Variants in HNRNPL observed in about 807,000 individuals in gnomAD.
HNRNPL encodes heterogeneous nuclear ribonucleoprotein L, also known as epididymis secretory sperm binding protein.
Under a neutral mutation model 64.0 loss-of-function variants are expected in HNRNPL, and 12 were observed. That is an observed-to-expected ratio of 0.19 (90% CI 0.12 to 0.30). HNRNPL has a LOEUF of 0.30. Ranked by LOEUF, HNRNPL falls within the 10% of genes least tolerant of loss-of-function variation. The pLI is 1.00. For missense variants in HNRNPL, 484 were observed against 797.4 expected, an observed-to-expected ratio of 0.61 and a Z score of 4.73; for synonymous variants, 385 against 313.0, an observed-to-expected ratio of 1.23 and a Z score of -2.43.
intron 2 of HNRNPL, 144 bp downstream of exon 2, chr19:38,847,172 A>G (rs1451327451): frequency 7.9e-6 from 4 of 504,142 alleles, no homozygotes; most frequent in Non-Finnish European, 1.5e-5. Flanking sequence ...CACAAAGTAC[A>G]ATGGCCAACC....
intron 8 of HNRNPL, 74 bp downstream of exon 8, chr19:38,840,022 C>G (rs375470580): frequency 2.7e-6 from 4 of 1,459,208 alleles, no homozygotes; most frequent in Admixed American, 3.4e-5. Flanking sequence ...CAGGCTCCCC[C>G]CTGGTTCTTT....
intron 6 of HNRNPL, among the ~76,000 whole-genome samples, chr19:38,842,837 C>T (rs145010933): frequency 7.2e-5 from 11 of 152,218 alleles, no homozygotes; most frequent in South Asian, 2.1e-4. Context: ...CCGGTCTGCA[C>T]ATCTTCTATT....
At chr19:38,846,131 G>A (rs1972285706) in intron 2 of HNRNPL, 41 bp from the exon 3 acceptor site, 4 of 1,413,150 alleles carry the variant, frequency 2.8e-6, no homozygotes, top group Non-Finnish European at 4.0e-6. Context: ...TCAGGAAAAT[G>A]TAGACAGGAG....
Position 38,840,769 on chromosome 19 carries a change from A to T in HNRNPL, c.881-210T>A. On this transcript the variant is annotated intron_variant, in intron 6 of 12. Transcript: ENST00000221419. Reference sequence around the variant, plus strand: ...GGTGCCCACTCTCCTTCCCCTGCTCATACCAAAGGGCTGGCCTTGTTCTGT... The same window carrying T: ...GGTGCCCACTCTCCTTCCCCTGCTCTTACCAAAGGGCTGGCCTTGTTCTGT... The T allele has an allele frequency of 5.2e-6, 3 of 581,408 alleles. No individual in the cohort carries two copies. In the South Asian group the frequency reaches 6.7e-5, roughly 13 times the overall value. The allele number at this position is 581,408 out of a possible 1,614,324, so 36.0% of individuals were successfully genotyped here.
chr19:38,848,388 C>G (rs148508475), intron 1 of HNRNPL, among the ~76,000 whole-genome samples: 2 of 152,190 alleles, frequency 1.3e-5, no homozygotes, highest in African/African-American at 4.8e-5. Context: ...CCCCCACTCC[C>G]GGATGGAAAG....
rs1047965535 is a variant in HNRNPL, at chr19:38,845,495, T to C, written c.710+155A>G. 2.0e-5 allele frequency: 13 copies of C among 657,422 alleles called. No homozygotes were observed. The Admixed American group carries it at 3.2e-4, about 16-fold the overall frequency. 40.7% of individuals were successfully genotyped at this position (657,422 alleles called of 1,614,324 possible). On this transcript the variant is annotated intron_variant, in intron 4 of 12. Transcript: ENST00000221419. ...CACACGATATGCCTGGTCCTTTAAC[T>C]GCCTCCCTACTCAGTCACTGGGCTC...
At chr19:38,848,985 G>A (rs974501810) in intron 1 of HNRNPL, among the ~76,000 whole-genome samples, 7 of 152,052 alleles carry the variant, frequency 4.6e-5, no homozygotes, top group Admixed American at 3.9e-4. Flanking sequence ...TGGTGTTTTC[G>A]GAGGGACTGA....
chr19:38,849,838 GCCGCCT>G lies in HNRNPL; in HGVS notation c.123_128del (p.Gly44_Gly45del). The G allele has an allele frequency of 8.4e-7, 1 of 1,192,400 alleles. No homozygotes were observed. The highest frequency in any genetic ancestry group is 1.2e-6 in the Non-Finnish European group (1 of 848,886). 73.9% of individuals were successfully genotyped at this position (1,192,400 alleles called of 1,614,324 possible). A position where few individuals can be genotyped will look rare whatever the true frequency, so the allele number is the denominator to read the frequency against. On this transcript the variant is annotated inframe_deletion, in exon 1 of 13. Transcript: ENST00000221419. ...TGCCGCCGCCGTAGTAGCGGCCACC[GCCGCCT>G]CCGCCGCCCGCCGCCGCCATCTTCA...
chr19:38,840,372 C>T lies in HNRNPL; in HGVS notation c.957G>A (p.Gly319=). 1 of 1,552,042 alleles carries T rather than the reference C, an allele frequency of 6.4e-7. No individual in the cohort carries two copies. Among genetic ancestry groups the T allele is most frequent in the Non-Finnish European group, 8.7e-7 (1 of 1,149,310 alleles). ...AATGGCTGTGGTACCCACCGTGGGG[C>T]CCTCCTGGGGGGTGGGAAGGAAAGA... ...LLGDHPAEYG[G]PHGGYHSHYH... The change falls in exon 8 of 13, where the codon GGG becomes GGA. Residue 319 remains glycine (G), a synonymous_variant. Transcript: ENST00000221419.
At chr19:38,838,354 C>T (rs771706376) in intron 10 of HNRNPL, 43 bp downstream of exon 10, 20 of 1,532,168 alleles carry the variant, frequency 1.3e-5, no homozygotes, top group African/African-American at 1.1e-4. Context: ...CTCAGACGGC[C>T]GTGGCAAGGA....
intron 1 of HNRNPL, chr19:38,849,482 C>A (rs1972425038): frequency 5.4e-6 from 3 of 555,734 alleles, no homozygotes; most frequent in Admixed American, 4.5e-5. Context: ...ACTTCCTCTG[C>A]GCTCCCCCAC....
intron 10 of HNRNPL, 52 bp from the exon 11 acceptor site, chr19:38,837,703 A>T (rs754675736): frequency 6.5e-7 from 1 of 1,532,226 alleles, no homozygotes; most frequent in East Asian, 2.3e-5. Flanking sequence ...GGGCCGCCAC[A>T]CAGGATTCAA....
chr19:38,838,753 G>T, intron 9 of HNRNPL, 141 bp downstream of exon 9: 1 of 1,334,364 alleles, frequency 7.5e-7, no homozygotes, highest in South Asian at 1.3e-5. Flanking sequence ...TGGTGTCAGA[G>T]ACACGTCTGG....
rs763616478 is a variant in HNRNPL at position 38,849,693 on chromosome 19, G to C, written c.267+7C>G. 1 of 1,355,180 alleles carries C rather than the reference G, an allele frequency of 7.4e-7. No homozygotes were observed. Among genetic ancestry groups the C allele is most frequent in the East Asian group, 3.1e-5 (1 of 32,596 alleles). The allele number at this position is 1,355,180 out of a possible 1,614,324, so 83.9% of individuals were successfully genotyped here. ...GGCCTTCCCAGCGCCTAGGGCCCTG[G>C]CCTCACCCCACCGCCGCCGCCGCCC... On this transcript the variant is annotated splice_region_variant and intron_variant, in intron 1 of 12. Transcript: ENST00000221419.
intron 12 of HNRNPL, 32 bp from the exon 13 acceptor site, chr19:38,836,812 C>T (rs754188037): frequency 5.7e-6 from 9 of 1,569,490 alleles, no homozygotes; most frequent in Admixed American, 1.8e-5. Context: ...GGTTGGTTCC[C>T]GTCTTTGGAG....
intron 8 of HNRNPL, 129 bp from the exon 9 acceptor site, chr19:38,839,144 G>C: frequency 1.7e-6 from 2 of 1,175,058 alleles, no homozygotes; most frequent in South Asian, 2.8e-5. Flanking sequence ...GGGACCACTA[G>C]AAAAACATGC....
At position 38,849,823 on chromosome 19, in the gene HNRNPL, G is replaced by A. The variant is rs1383567981; in HGVS notation, c.144C>T (p.Tyr48=). 1 of 1,259,604 alleles carries A rather than the reference G, an allele frequency of 7.9e-7. No homozygotes were observed. Among genetic ancestry groups the A allele is most frequent in the East Asian group, 2.8e-5 (1 of 35,180 alleles). The allele number at this position is 1,259,604 out of a possible 1,614,324, so 78.0% of individuals were successfully genotyped here. A position where few individuals can be genotyped will look rare whatever the true frequency, so the allele number is the denominator to read the frequency against. ...AGGGGGGGRY[Y]GGGSEGGRAP... ...CCCGGCCGCCCTCACTGCCGCCGCC[G>A]TAGTAGCGGCCACCGCCGCCTCCGC... The change falls in exon 1 of 13, where the codon TAC becomes TAT. Residue 48 remains tyrosine (Y), a synonymous_variant. Coordinates refer to ENST00000221419, the MANE Select transcript of HNRNPL (RefSeq NM_001533.3).
chr19:38,847,760 A>G (rs1972349279), intron 1 of HNRNPL: 1 of 180,010 alleles, frequency 5.6e-6, no homozygotes, highest in African/African-American at 2.3e-5. Flanking sequence ...CCACTCGACC[A>G]AGGAAACATG....
upstream of HNRNPL, chr19:38,851,257 A>G (rs1442010159): frequency 6.6e-6 from 1 of 152,292 alleles, no homozygotes; most frequent in Non-Finnish European, 1.5e-5. Context: ...CCCGCACTGC[A>G]CCAAGAGAAT....
Sources: allele counts gnomAD v4.1 joint callset (sites outside exome capture counted in the v4.1 genomes callset), GRCh38; gene constraint gnomAD v4.1.1; transcripts MANE v1.5; gene names NCBI Gene and HGNC (gene_info 2026-07-23, HGNC 2026-07-21).